Variants in TMEM131L observed in about 807,000 individuals in gnomAD.
TMEM131L encodes the protein transmembrane 131 like, also known as transmembrane protein 131-like.
A neutral mutation model predicts 192.2 loss-of-function variants in TMEM131L; 54 were observed. The observed-to-expected ratio is 0.28, with a 90% CI of 0.23 to 0.35. The LOEUF is 0.35. Ranked by LOEUF, TMEM131L falls within the 10% of genes least tolerant of loss-of-function variation. TMEM131L has a pLI of 1.00. For missense variants in TMEM131L, 1,888 were observed against 1,972.9 expected (o/e 0.96, Z 0.82); for synonymous variants, 701 against 704.9 (o/e 0.99, Z 0.09).
At chr4:153,493,401 C>T (rs1328428875) in intron 3 of TMEM131L, among the ~76,000 whole-genome samples, 1 of 150,026 alleles carries the variant, frequency 6.7e-6, no homozygotes, top group African/African-American at 2.5e-5. Flanking sequence ...TGGCTCACAC[C>T]TGTAATCCCA....
intron 3 of TMEM131L, among the ~76,000 whole-genome samples, chr4:153,476,418 C>T (rs1243505453): frequency 1.3e-5 from 2 of 152,050 alleles, no homozygotes; most frequent in African/African-American, 4.8e-5. Context: ...TTGGGTAGGG[C>T]CAGGCGCAGT....
At chr4:153,581,957 G>T (rs574549197) in intron 9 of TMEM131L, among the ~76,000 whole-genome samples, 1 of 152,134 alleles carries the variant, frequency 6.6e-6, no homozygotes, top group Non-Finnish European at 1.5e-5. Context: ...AATAGGTTGC[G>T]GTTGTTCCTG....
intron 26 of TMEM131L, among the ~76,000 whole-genome samples, chr4:153,617,234 C>CT (rs1733038544): frequency 6.6e-6 from 1 of 152,186 alleles, no homozygotes; most frequent in Admixed American, 6.5e-5. Flanking sequence ...TGAGACCTGC[C>CT]TTTCACCTTC....
intron 3 of TMEM131L, among the ~76,000 whole-genome samples, chr4:153,493,009 A>AT (rs1229365456): frequency 6.6e-6 from 1 of 152,058 alleles, no homozygotes; most frequent in African/African-American, 2.4e-5. Flanking sequence ...GAGGCAGGAG[A>AT]TTTTTGTCTA....
rs898387916 is a variant in TMEM131L, at chr4:153,478,653, A to G, written c.239+4765A>G. Among the ~76,000 whole-genome samples the G allele has an allele frequency of 5.1e-4, 77 of 152,190 alleles. 1 individual carries two copies. Among genetic ancestry groups the G allele is most frequent in the Non-Finnish European group, 1.2e-4 (8 of 68,036 alleles). ...AAGTTGAGCTTCACCGACACAAATT[A>G]TATGAAATTCTGTATGGGAGATTTG... On this transcript the variant is annotated intron_variant, in intron 3 of 34. Coordinates refer to ENST00000409959, the MANE Select transcript of TMEM131L (RefSeq NM_001131007.2).
chr4:153,601,926 A>C (rs1317739203), intron 21 of TMEM131L: 3 of 310,082 alleles, frequency 9.7e-6, no homozygotes, highest in Non-Finnish European at 1.7e-5. Context: ...ATTTCATGTA[A>C]GAAAAGTCTT....
chr4:153,592,516 C>T lies in TMEM131L; in HGVS notation c.1854C>T (p.Val618=). 6.2e-7 allele frequency: 1 copy of T among 1,614,168 alleles called. No individual in the cohort carries two copies. Among genetic ancestry groups the T allele is most frequent in the Non-Finnish European group, 8.5e-7 (1 of 1,180,006 alleles). ...TGCAGAACCCGTCCTCTTGGCCGGT[C>T]TCCTTGCAGCTCCTGCCTCTCTCCT... is the stretch of plus-strand genomic sequence containing the variant. ...FVVQNPSSWP[V]SLQLLPLSLY... Residue 618 remains valine, a synonymous_variant, in exon 18 of 35, where the codon GTC becomes GTT. Transcript: ENST00000409959.
chr4:153,468,680 A>G (rs1730945770), intron 2 of TMEM131L, among the ~76,000 whole-genome samples: 1 of 152,038 alleles, frequency 6.6e-6, no homozygotes, highest in South Asian at 2.1e-4. Flanking sequence ...TGAGATGTTG[A>G]GCAGTTAGCA....
At chr4:153,468,560 G>T (rs1037289752) in intron 2 of TMEM131L, among the ~76,000 whole-genome samples, 1 of 152,178 alleles carries the variant, frequency 6.6e-6, no homozygotes, top group Non-Finnish European at 1.5e-5. Context: ...TTAACGCGAT[G>T]TATTTATTTT....
intron 3 of TMEM131L, among the ~76,000 whole-genome samples, chr4:153,509,197 CA>C (rs11320393): frequency 0.21 from 31,210 of 149,672 alleles, 5,981 homozygotes; most frequent in African/African-American, 0.5. Flanking sequence ...ACAACAACAA[CA>C]AAAAAAACAA....
chr4:153,581,866 G>T (rs1343700729), intron 9 of TMEM131L, among the ~76,000 whole-genome samples: 5 of 152,216 alleles, frequency 3.3e-5, no homozygotes, highest in African/African-American at 7.2e-5. Flanking sequence ...AGTATTTGAA[G>T]TCTTGGGTTT....
Position 153,555,817 on chromosome 4 carries a change from C to T in TMEM131L, c.339C>T (p.Leu113=), listed in dbSNP as rs1222530625. Residue 113 remains leucine (L), a synonymous_variant, in exon 5 of 35, where the codon CTC becomes CTT. Coordinates refer to ENST00000409959, the MANE Select transcript of TMEM131L (RefSeq NM_001131007.2). The surrounding 1 kb of genome is among the most constrained non-coding windows in gnomAD (Gnocchi z 4.1). The part of the protein sequence containing the change: ...QFLGHPVAKI[L]HAYNPSRDSE... The stretch of plus-strand genomic sequence containing the variant: ...TGGGACATCCTGTAGCAAAGATTCT[C>T]CATGCTTACAACCCTAGTAGGGACA... 1 of 1,551,482 alleles carries T rather than the reference C, an allele frequency of 6.4e-7. No individual in the cohort carries two copies. The highest frequency in any genetic ancestry group is 8.7e-7 in the Non-Finnish European group (1 of 1,146,838).
intron 28 of TMEM131L, 87 bp from the exon 29 acceptor site, chr4:153,622,811 C>T: frequency 1.5e-6 from 2 of 1,351,848 alleles, no homozygotes; most frequent in East Asian, 4.6e-5. Flanking sequence ...CCTGGCCCTA[C>T]TCCTCCTGTC....
chr4:153,586,966 A>C (rs535028241), intron 14 of TMEM131L, among the ~76,000 whole-genome samples: 2 of 151,906 alleles, frequency 1.3e-5, no homozygotes, highest in Non-Finnish European at 2.9e-5. Context: ...TTTTGCTCCA[A>C]GCTATTTTGT....
At chr4:153,619,022 A>T (rs565676541) in intron 26 of TMEM131L, among the ~76,000 whole-genome samples, 1 of 152,104 alleles carries the variant, frequency 6.6e-6, no homozygotes, top group South Asian at 2.1e-4. Context: ...TTTCTTTGTC[A>T]TACTCACGGA....
intron 19 of TMEM131L, among the ~76,000 whole-genome samples, chr4:153,595,667 A>T (rs974912131): frequency 1.7e-4 from 26 of 152,018 alleles, no homozygotes; most frequent in South Asian, 4.1e-4. Context: ...CAAAAAGATA[A>T]AAAGAATTAA....
intron 3 of TMEM131L, among the ~76,000 whole-genome samples, chr4:153,490,658 G>C (rs1317493030): frequency 1.3e-5 from 2 of 151,984 alleles, no homozygotes; most frequent in Admixed American, 6.6e-5. Flanking sequence ...AAAGCTTCTA[G>C]ATTTAAAAAA....
At chr4:153,601,984 T>C in intron 21 of TMEM131L, 168 bp from the exon 22 acceptor site, 1 of 488,280 alleles carries the variant, frequency 2.0e-6, no homozygotes, top group East Asian at 3.4e-5. Context: ...TCTATAATTG[T>C]TCTAGAAATT....
intron 3 of TMEM131L, among the ~76,000 whole-genome samples, chr4:153,476,204 C>T (rs577566385): frequency 2.0e-5 from 3 of 152,228 alleles, no homozygotes; most frequent in South Asian, 2.1e-4. Context: ...GGTTATCCGC[C>T]GGCCTCAGCC....
Sources: gnomAD v4.1 joint callset for allele counts (sites outside exome capture counted in the v4.1 genomes callset) on GRCh38, gnomAD v4.1.1 for gene constraint, Gnocchi (gnomAD v3.1) non-coding constraint, MANE v1.5 for transcripts, NCBI Gene and HGNC (gene_info 2026-07-23, HGNC 2026-07-21) for gene names.